NBPF3: variants seen among roughly 807,000 people sequenced by gnomAD.
NBPF3 encodes NBPF family member NBPF3.
NBPF3 carries 57 observed loss-of-function variants against 78.1 expected under a neutral mutation model. The observed-to-expected ratio is 0.73, with a 90% CI of 0.59 to 0.91. The LOEUF (loss-of-function observed/expected upper bound fraction) is 0.91, where lower values mean the gene tolerates loss of function less well. NBPF3 is among the 40% of genes least tolerant of loss of function. The probability of loss-of-function intolerance (pLI) is 0.00; values close to 1 mark genes in which losing one functional copy is unlikely to be tolerated. For synonymous variants in NBPF3, 182 were observed against 271.7 expected (o/e 0.67, Z 3.25); for missense variants, 510 against 715.3 (o/e 0.71, Z 3.27).
rs1217556301 is a variant in NBPF3 at position 21,484,105 on chromosome 1, T to C, written c.*719T>C. On this transcript the variant is annotated 3_prime_UTR_variant, in exon 15 of 15. Coordinates refer to ENST00000318249, the MANE Select transcript of NBPF3 (RefSeq NM_032264.6). Reference sequence around the variant, plus strand: ...CCTGGGACTCTGCCAGTGCAGAATATGAACAATGCCATGTTCTTGCAGAAA... The same window carrying C: ...CCTGGGACTCTGCCAGTGCAGAATACGAACAATGCCATGTTCTTGCAGAAA... 6 of 75,618 alleles carry C rather than the reference T, an allele frequency of 7.9e-5. No individual in the cohort carries two copies. The highest frequency in any genetic ancestry group is 1.1e-3 in the South Asian group (1 of 920). 4.7% of individuals were successfully genotyped at this position (75,618 alleles called of 1,614,324 possible).
chr1:21,456,030 C>G (rs1641581282), intron 2 of NBPF3, among the ~76,000 whole-genome samples: 1 of 152,140 alleles, frequency 6.6e-6, no homozygotes, highest in Non-Finnish European at 1.5e-5. Flanking sequence ...GTTCACCAAC[C>G]TGGTAAAGCC....
At position 21,445,218 on chromosome 1, in the gene NBPF3, A is replaced by G; in HGVS notation, c.132A>G (p.Thr44=). 6.2e-7 allele frequency: 1 copy of G among 1,611,558 alleles called. No individual in the cohort carries two copies. The highest frequency in any genetic ancestry group is 1.1e-5 in the South Asian group (1 of 90,972). Residue 44 remains threonine, a splice_region_variant and synonymous_variant, in exon 2 of 15, where the codon ACA becomes ACG. Transcript: ENST00000318249. ...VGRHQELRDP[T]VPGPTSSATN... Reference sequence around the variant, plus strand: ...GACATCAAGAGCTGCGAGATCCAACAGGTAAAAATCCCGAGGCATTGCCAG... The same window carrying G: ...GACATCAAGAGCTGCGAGATCCAACGGGTAAAAATCCCGAGGCATTGCCAG...
rs1642426542 is a variant in NBPF3 at position 21,468,839 on chromosome 1, A to G, written c.285A>G (p.Lys95=). Reference sequence around the variant, plus strand: ...ACAAACAGCAGTTCAGAAACCTCAAACAGAAATGTCTTGTAACTCAAGTGG... The same window carrying G: ...ACAAACAGCAGTTCAGAAACCTCAAGCAGAAATGTCTTGTAACTCAAGTGG... ...AENKQQFRNL[K]QKCLVTQVAY... is the part of the protein sequence containing the mutation. Residue 95 remains lysine, a synonymous_variant, in exon 3 of 15, where the codon AAA becomes AAG. Coordinates refer to ENST00000318249, the MANE Select transcript of NBPF3 (RefSeq NM_032264.6). The G allele has an allele frequency of 6.2e-7, 1 of 1,614,022 alleles. No individual in the cohort carries two copies. The highest frequency in any genetic ancestry group is 1.3e-5 in the African/African-American group (1 of 74,910).
chr1:21,441,582 C>T (rs1403456970), intron 1 of NBPF3, among the ~76,000 whole-genome samples: 1 of 151,782 alleles, frequency 6.6e-6, no homozygotes, highest in African/African-American at 2.4e-5. Flanking sequence ...TGGTGTGTGC[C>T]TGTAGTCCCA....
intron 1 of NBPF3, among the ~76,000 whole-genome samples, chr1:21,444,744 C>T (rs1472103375): frequency 1.3e-5 from 2 of 151,966 alleles, no homozygotes; most frequent in Non-Finnish European, 2.9e-5. Context: ...TTTTATTTTC[C>T]AAGACGGGGT....
chr1:21,478,287 G>A lies in NBPF3; in HGVS notation c.1136G>A (p.Gly379Asp). 2 of 1,613,994 alleles carry A rather than the reference G, an allele frequency of 1.2e-6. No individual in the cohort carries two copies. Among genetic ancestry groups the A allele is most frequent in the Non-Finnish European group, 1.7e-6 (2 of 1,180,038 alleles). Reference sequence around the variant, plus strand: ...CACTCAGTAGAGGAACAGCAAGTCGGCTTGGCTCTTGACATAGGCAGTGAG... The same window carrying A: ...CACTCAGTAGAGGAACAGCAAGTCGACTTGGCTCTTGACATAGGCAGTGAG... ...TFHSVEEQQV[G>D]LALDIGRHWC... The change falls in exon 9 of 15, where the codon GGC (glycine) becomes GAC (aspartate). Residue 379 changes from glycine to aspartate, a missense_variant. Physicochemically the swap from Gly to Asp is moderately conservative, Grantham distance 94. This residue lies in a region of NBPF3 where 440 missense variants were observed against 478.2 expected (regional missense o/e 0.92). Transcript: ENST00000318249.
At chr1:21,468,943 T>G in intron 3 of NBPF3, 46 bp downstream of exon 3, 1 of 1,413,104 alleles carries the variant, frequency 7.1e-7, no homozygotes, top group Non-Finnish European at 9.9e-7. Context: ...AATGATGTCC[T>G]GTCTTCTCGC....
chr1:21,452,374 A>C (rs1246256785), intron 2 of NBPF3, among the ~76,000 whole-genome samples: 1 of 152,230 alleles, frequency 6.6e-6, no homozygotes, highest in Non-Finnish European at 1.5e-5. Context: ...GTTCAACTGG[A>C]TGCCTTAGGA....
intron 2 of NBPF3, among the ~76,000 whole-genome samples, chr1:21,457,964 C>T (rs1641725753): frequency 6.6e-6 from 1 of 152,208 alleles, no homozygotes; most frequent in African/African-American, 2.4e-5. Context: ...TTTTCCTGAG[C>T]TTATATACCT....
chr1:21,475,136 A>G (rs1170186656), intron 8 of NBPF3, among the ~76,000 whole-genome samples, 185 bp downstream of exon 8: 2 of 152,186 alleles, frequency 1.3e-5, no homozygotes, highest in Admixed American at 6.5e-5. Context: ...AGTCCTCTCA[A>G]GATAGGAACT....
chr1:21,463,400 T>G (rs1642061888), intron 2 of NBPF3, among the ~76,000 whole-genome samples: 1 of 152,116 alleles, frequency 6.6e-6, no homozygotes, highest in Admixed American at 6.6e-5. Context: ...GGATGCTCCA[T>G]GGAGGGGTGG....
At position 21,460,271 on chromosome 1, in the gene NBPF3, C is replaced by T. The variant is rs1176229891; in HGVS notation, c.134-8417C>T. On this transcript the variant is annotated intron_variant, in intron 2 of 14. Transcript: ENST00000318249. This position sits in a 1 kb window ranked among gnomAD's most constrained non-coding sequence, Gnocchi z 4.2. ...TAAGTTCTAGGATACTTGTGCACAACGTGCAGGTTTGTTACATAGGTGTAC... is the reference window on the plus strand; with the variant it reads ...TAAGTTCTAGGATACTTGTGCACAATGTGCAGGTTTGTTACATAGGTGTAC... Among the ~76,000 whole-genome samples the T allele has an allele frequency of 5.3e-5, 8 of 152,168 alleles. No individual in the cohort carries two copies. The highest frequency in any genetic ancestry group is 1.2e-4 in the African/African-American group (5 of 41,438).
At chr1:21,471,468 G>A in intron 4 of NBPF3, 101 bp from the exon 5 acceptor site, 3 of 1,567,914 alleles carry the variant, frequency 1.9e-6, no homozygotes, top group Non-Finnish European at 2.6e-6. Context: ...CTGCTTGGAG[G>A]TCTCCTTGAG....
intron 2 of NBPF3, among the ~76,000 whole-genome samples, chr1:21,461,975 C>T (rs1200031892): frequency 6.6e-6 from 1 of 151,970 alleles, no homozygotes; most frequent in African/African-American, 2.4e-5. Context: ...TGAATTCTCA[C>T]TCTCTTAGTT....
At chr1:21,462,397 T>C (rs1642000182) in intron 2 of NBPF3, among the ~76,000 whole-genome samples, 1 of 152,214 alleles carries the variant, frequency 6.6e-6, no homozygotes, top group Admixed American at 6.5e-5. Flanking sequence ...TTTATTAAGC[T>C]GTGCCTTTAG....
intron 6 of NBPF3, 44 bp downstream of exon 6, chr1:21,472,959 GA>G (rs1570069261): frequency 2.1e-6 from 3 of 1,430,914 alleles, no homozygotes; most frequent in Non-Finnish European, 3.0e-6. Context: ...GGTAACATAT[GA>G]AAAAGGTCTA....
Position 21,473,410 on chromosome 1 carries a change from C to A in NBPF3, c.765C>A (p.Val255=), listed in dbSNP as rs747612897. 1 of 1,614,190 alleles carries A rather than the reference C, an allele frequency of 6.2e-7. No individual in the cohort carries two copies. Among genetic ancestry groups the A allele is most frequent in the South Asian group, 1.1e-5 (1 of 91,080 alleles). ...TGCAGAAGGCTGAAGAAAAGGAAGT[C>A]CCTGAGGACTCACTGGAGGAGTGTG... ...REVQKAEEKE[V]PEDSLEECAI... is the part of the protein sequence containing the mutation. Residue 255 remains valine, a synonymous_variant, in exon 7 of 15, where the codon GTC becomes GTA. Transcript: ENST00000318249.
chr1:21,467,313 A>T, intron 2 of NBPF3: 1 of 985,460 alleles, frequency 1.0e-6, no homozygotes, highest in Non-Finnish European at 1.2e-6. Flanking sequence ...AACTCAGGCA[A>T]GTCCAGCAGC....
At chr1:21,441,396 A>G (rs1395304245) in intron 1 of NBPF3, among the ~76,000 whole-genome samples, 1 of 152,186 alleles carries the variant, frequency 6.6e-6, no homozygotes, top group East Asian at 1.9e-4. Flanking sequence ...AGTATACAGA[A>G]GAAGTTCACA....
Sources: allele counts gnomAD v4.1 joint callset (sites outside exome capture counted in the v4.1 genomes callset), GRCh38; gene constraint gnomAD v4.1.1; regional missense constraint gnomAD v4.1.1; non-coding constraint Gnocchi (gnomAD v3.1); transcripts MANE v1.5; gene names NCBI Gene and HGNC (gene_info 2026-07-23, HGNC 2026-07-21).